Variants in PDZRN3 observed in about 807,000 individuals in gnomAD.
PDZRN3 encodes E3 ubiquitin-protein ligase PDZRN3.
Under a neutral mutation model 85.7 loss-of-function variants are expected in PDZRN3, and 38 were observed. The observed-to-expected ratio is 0.44, with a 90% confidence interval of 0.34 to 0.58. PDZRN3 has a LOEUF of 0.58. Among genes scored for constraint, PDZRN3 ranks in the 20% least tolerant of loss-of-function variants. The pLI is 0.01. For missense variants in PDZRN3, 1,629 were observed against 1,506.4 expected (o/e 1.08, Z -1.35); for synonymous variants, 759 against 638.0 (o/e 1.19, Z -2.86).
intron 3 of PDZRN3, among the ~76,000 whole-genome samples, chr3:73,598,250 T>A (rs1702459632): frequency 6.6e-6 from 1 of 152,152 alleles, no homozygotes. Flanking sequence ...AATCTGGTGA[T>A]ATTAAAGTAT....
At chr3:73,454,605 T>C (rs1276664547) in intron 3 of PDZRN3, among the ~76,000 whole-genome samples, 1 of 152,154 alleles carries the variant, frequency 6.6e-6, no homozygotes, top group Non-Finnish European at 1.5e-5. Context: ...AATACAGTCA[T>C]TGAACTGGGT....
At chr3:73,622,440 C>T (rs556515745) in intron 1 of PDZRN3, among the ~76,000 whole-genome samples, 48 of 152,310 alleles carry the variant, frequency 3.2e-4, no homozygotes, top group Admixed American at 7.8e-4. Context: ...GCAACCAGAG[C>T]GGTGGCAGCA....
intron 3 of PDZRN3, among the ~76,000 whole-genome samples, chr3:73,442,611 T>G (rs748320000): frequency 2.3e-4 from 35 of 152,178 alleles, no homozygotes; most frequent in Middle Eastern, 3.4e-3. Context: ...GGTCACAAAC[T>G]CTATAGTGGG....
At chr3:73,411,664 T>C (rs1253084107) in intron 3 of PDZRN3, among the ~76,000 whole-genome samples, 1 of 150,740 alleles carries the variant, frequency 6.6e-6, no homozygotes, top group African/African-American at 2.5e-5. Context: ...CCTGGACACA[T>C]AGAAGGGGCT....
chr3:73,490,202 C>T (rs1034063321), intron 3 of PDZRN3, among the ~76,000 whole-genome samples: 1 of 152,220 alleles, frequency 6.6e-6, no homozygotes, highest in Admixed American at 6.5e-5. Flanking sequence ...GTGGCAAAAG[C>T]AGCAGAGCCT....
chr3:73,389,047 C>A (rs1223895698), intron 7 of PDZRN3, among the ~76,000 whole-genome samples: 1 of 150,408 alleles, frequency 6.6e-6, no homozygotes, highest in East Asian at 2.0e-4. Context: ...CAGGTTCTGG[C>A]TGAAGGCTAG....
At chr3:73,511,330 GC>G (rs967862439) in intron 3 of PDZRN3, among the ~76,000 whole-genome samples, 1 of 152,140 alleles carries the variant, frequency 6.6e-6, no homozygotes, top group Non-Finnish European at 1.5e-5. Flanking sequence ...GACTCTCTTA[GC>G]CCTTTGTTGT....
chr3:73,492,112 A>G (rs1271696368), intron 3 of PDZRN3, among the ~76,000 whole-genome samples: 2 of 152,208 alleles, frequency 1.3e-5, no homozygotes, highest in African/African-American at 2.4e-5. Flanking sequence ...AGTGCTTCTC[A>G]TATTCTCTAA....
chr3:73,590,130 G>A (rs1318476994), intron 3 of PDZRN3, among the ~76,000 whole-genome samples: 2 of 146,334 alleles, frequency 1.4e-5, no homozygotes, highest in African/African-American at 4.9e-5. Context: ...TTAGTTGAGT[G>A]TGGTGACGGG....
At chr3:73,578,219 G>A (rs1299910128) in intron 3 of PDZRN3, among the ~76,000 whole-genome samples, 2 of 145,790 alleles carry the variant, frequency 1.4e-5, no homozygotes, top group Admixed American at 7.0e-5. Context: ...GCTGGAGTGC[G>A]AGTGCAGTGG....
intron 3 of PDZRN3, among the ~76,000 whole-genome samples, chr3:73,465,049 A>G (rs1441947297): frequency 6.6e-6 from 1 of 152,228 alleles, no homozygotes; most frequent in East Asian, 1.9e-4. Flanking sequence ...ACCTGTGATC[A>G]CAAGTTTCTG....
chr3:73,389,808 G>GGACTT lies in PDZRN3; in HGVS notation c.1416+3_1416+7dup. On this transcript the variant is annotated splice_region_variant and intron_variant, in intron 7 of 9. Coordinates refer to ENST00000263666, the MANE Select transcript of PDZRN3 (RefSeq NM_015009.3). ...CATCATGAGGCCATTGTTTGGAAGT[G>GGACTT]GACTTACCTGGATAATGCGGTCTCC... The GGACTT allele has an allele frequency of 6.2e-7, 1 of 1,604,474 alleles. No homozygotes were observed. Among genetic ancestry groups the GGACTT allele is most frequent in the Non-Finnish European group, 8.5e-7 (1 of 1,171,312 alleles).
At chr3:73,620,777 C>T (rs544373561) in intron 1 of PDZRN3, among the ~76,000 whole-genome samples, 2 of 152,036 alleles carry the variant, frequency 1.3e-5, no homozygotes, top group Admixed American at 6.5e-5. Flanking sequence ...GGGGTTTCAC[C>T]GTGTTAGCCA....
At position 73,574,773 on chromosome 3, in the gene PDZRN3, G is replaced by C. The variant is rs1283853198; in HGVS notation, c.918+27581C>G. On this transcript the variant is annotated intron_variant, in intron 3 of 9. Coordinates refer to ENST00000263666, the MANE Select transcript of PDZRN3 (RefSeq NM_015009.3). Reference sequence around the variant, plus strand: ...AAACTTAGCCAAAGGGCAGAAACCAGTATCGACTAAATCTAAAAGATAAGA... The same window carrying C: ...AAACTTAGCCAAAGGGCAGAAACCACTATCGACTAAATCTAAAAGATAAGA... Among the ~76,000 whole-genome samples, 7 of 152,188 alleles carry C rather than the reference G, an allele frequency of 4.6e-5. No individual in the cohort carries two copies. The East Asian group carries it at 1.3e-3, about 29-fold the overall frequency.
chr3:73,588,880 TTTGATGA>T (rs1702314312), intron 3 of PDZRN3, among the ~76,000 whole-genome samples: 1 of 152,152 alleles, frequency 6.6e-6, no homozygotes, highest in Admixed American at 6.5e-5. Flanking sequence ...CTTGTTTAGG[TTTGATGA>T]TCGATGCAAA....
At chr3:73,549,831 G>C (rs1701510370) in intron 3 of PDZRN3, among the ~76,000 whole-genome samples, 1 of 152,114 alleles carries the variant, frequency 6.6e-6, no homozygotes, top group Non-Finnish European at 1.5e-5. Context: ...CACATCTTAA[G>C]CTACGTATCT....
At chr3:73,385,408 A>G (rs972451102) in intron 9 of PDZRN3, among the ~76,000 whole-genome samples, 13 of 152,208 alleles carry the variant, frequency 8.5e-5, no homozygotes, top group African/African-American at 9.7e-5. Context: ...ATGCCAACGC[A>G]TATGTTTTCC....
chr3:73,565,627 C>T (rs1006158746), intron 3 of PDZRN3, among the ~76,000 whole-genome samples: 20 of 152,104 alleles, frequency 1.3e-4, no homozygotes, highest in Middle Eastern at 6.8e-3. Context: ...CTTTCCAAGC[C>T]GACTCTTCAT....
At chr3:73,562,995 ATATATATATATATATATATTT>A (rs1221845731) in intron 3 of PDZRN3, among the ~76,000 whole-genome samples, 1 of 29,084 alleles carries the variant, frequency 3.4e-5, no homozygotes, top group African/African-American at 1.4e-4. Context: ...ATATATATAT[ATATATATATATATATATATTT>A]TTTTTTTTTT....
Sources: gnomAD v4.1 joint callset for allele counts (sites outside exome capture counted in the v4.1 genomes callset) on GRCh38, gnomAD v4.1.1 for gene constraint, MANE v1.5 for transcripts, NCBI Gene and HGNC (gene_info 2026-07-23, HGNC 2026-07-21) for gene names.